The following MAML3 variants were observed in gnomAD, a reference collection of about 807,000 sequenced individuals.
The protein encoded by MAML3 is mastermind-like protein 3.
In MAML3, 27 loss-of-function variants were observed where a neutral mutation model predicts 101.9. The observed-to-expected ratio is 0.27, with a 90% CI of 0.20 to 0.37. The LOEUF (loss-of-function observed/expected upper bound fraction) is 0.37. MAML3 is among the 10% of genes least tolerant of loss of function. The pLI is 1.00. For synonymous variants in MAML3, 501 were observed against 555.9 expected (o/e 0.90, Z 1.39); for missense variants, 1,316 against 1,444.9 (o/e 0.91, Z 1.45).
intron 2 of MAML3, among the ~76,000 whole-genome samples, chr4:139,831,494 C>T (rs979446756): frequency 6.6e-6 from 1 of 152,164 alleles, no homozygotes; most frequent in African/African-American, 2.4e-5. Flanking sequence ...ATAAATACAA[C>T]ACTGTCTGTT....
intron 2 of MAML3, among the ~76,000 whole-genome samples, chr4:139,875,393 T>C (rs1427304536): frequency 6.6e-6 from 1 of 152,182 alleles, no homozygotes; most frequent in East Asian, 1.9e-4. Context: ...GGGAATTGTG[T>C]TTATTCACCA....
At chr4:139,930,929 A>G (rs1293555701) in intron 1 of MAML3, among the ~76,000 whole-genome samples, 2 of 152,078 alleles carry the variant, frequency 1.3e-5, no homozygotes, top group Admixed American at 6.5e-5. Flanking sequence ...TAGGCTCTGT[A>G]TATTGACAGA....
At chr4:139,754,747 T>C (rs567620666) in intron 2 of MAML3, among the ~76,000 whole-genome samples, 2 of 152,382 alleles carry the variant, frequency 1.3e-5, no homozygotes, top group Admixed American at 6.5e-5. Context: ...GATTATACTT[T>C]AGGTTCAATT....
At chr4:139,720,525 C>G (rs1579356496) in intron 4 of MAML3, among the ~76,000 whole-genome samples, 1 of 152,226 alleles carries the variant, frequency 6.6e-6, no homozygotes, top group African/African-American at 2.4e-5. Context: ...TTAAAAAATA[C>G]AGAGACAAAA....
chr4:139,941,618 A>T (rs1733598580), intron 1 of MAML3, among the ~76,000 whole-genome samples: 1 of 152,030 alleles, frequency 6.6e-6, no homozygotes. Context: ...GGACAGTAAG[A>T]ATGATAGTAA....
chr4:139,911,278 C>T (rs1199689403), intron 1 of MAML3, among the ~76,000 whole-genome samples: 10 of 151,068 alleles, frequency 6.6e-5, no homozygotes, highest in African/African-American at 2.4e-4. Flanking sequence ...AGTGCAGTGG[C>T]GTAATCTCAG....
At chr4:140,123,856 G>A (rs958699643) in intron 1 of MAML3, among the ~76,000 whole-genome samples, 1 of 152,150 alleles carries the variant, frequency 6.6e-6, no homozygotes. Context: ...AAAGGTGCAG[G>A]GAAAAACCCT....
intron 2 of MAML3, among the ~76,000 whole-genome samples, chr4:139,791,860 A>G (rs1228970837): frequency 1.3e-5 from 2 of 151,954 alleles, no homozygotes; most frequent in Non-Finnish European, 2.9e-5. Flanking sequence ...TTAGCAGCCA[A>G]CTCCCCAGCA....
chr4:139,832,094 C>CTTTTTTTTTTTTTTTTTTTT lies in MAML3; in HGVS notation c.2079+57243_2079+57262dup, dbSNP rs70943444. On this transcript the variant is annotated intron_variant, in intron 2 of 4. Transcript: ENST00000509479. ...AGGCGTGAGCCATCATGCCCAGCCC[C>CTTTTTTTTTTTTTTTTTTTT]TTTTTTTTTTTTTTTTTTTTTTTTT... is the stretch of plus-strand genomic sequence containing the variant. Among the ~76,000 whole-genome samples the CTTTTTTTTTTTTTTTTTTTT allele has an allele frequency of 6.2e-4, 40 of 64,702 alleles. 2 individuals are homozygous for CTTTTTTTTTTTTTTTTTTTT. Among genetic ancestry groups the CTTTTTTTTTTTTTTTTTTTT allele is most frequent in the Admixed American group, 1.6e-3 (6 of 3,694 alleles). The allele number at this position is 64,702 out of a possible 152,430, so 42.4% of individuals were successfully genotyped here. A position where few individuals can be genotyped will look rare whatever the true frequency, so the allele number is the denominator to read the frequency against.
In MAML3 at chr4:139,719,170, T is replaced by C; in HGVS notation, c.*153A>G. On this transcript the variant is annotated 3_prime_UTR_variant, in exon 5 of 5. Transcript: ENST00000509479. ...AAATGAGGCCTGGTGGGGCTGTGGATTGGCACCTGGATCTTCCATTGTCAG... is the reference window on the plus strand; with the variant it reads ...AAATGAGGCCTGGTGGGGCTGTGGACTGGCACCTGGATCTTCCATTGTCAG... 1.2e-6 allele frequency: 1 copy of C among 811,090 alleles called. No homozygotes were observed. The highest frequency in any genetic ancestry group is 1.9e-6 in the Non-Finnish European group (1 of 535,888). 50.2% of individuals were successfully genotyped at this position (811,090 alleles called of 1,614,324 possible).
chr4:139,831,283 A>G lies in MAML3; in HGVS notation c.2079+58074T>C, dbSNP rs573983631. On this transcript the variant is annotated intron_variant, in intron 2 of 4. Coordinates refer to ENST00000509479, the MANE Select transcript of MAML3 (RefSeq NM_018717.5). ...ATTAACATTAGACTGCTGTTTTTAA[A>G]CTTTTAATGATTTTTAAAAACCCAA... Among the ~76,000 whole-genome samples, 17 of 152,344 alleles carry G rather than the reference A, an allele frequency of 1.1e-4. No homozygotes were observed. In the South Asian group the frequency reaches 3.5e-3, roughly 32 times the overall value.
At chr4:139,758,641 C>T (rs762181137) in intron 2 of MAML3, among the ~76,000 whole-genome samples, 15 of 152,202 alleles carry the variant, frequency 9.9e-5, no homozygotes, top group South Asian at 6.2e-4. Flanking sequence ...ATGCTCGGTA[C>T]GTTATCAAAC....
intron 1 of MAML3, among the ~76,000 whole-genome samples, chr4:140,018,271 C>G (rs1281282258): frequency 1.3e-5 from 2 of 149,158 alleles, no homozygotes; most frequent in African/African-American, 4.8e-5. Context: ...ATAAAAAAAC[C>G]AAAACCCTTT....
intron 1 of MAML3, chr4:140,134,221 A>G: frequency 2.2e-6 from 1 of 456,744 alleles, no homozygotes; most frequent in Non-Finnish European, 4.4e-6. Flanking sequence ...AAGTACGGGG[A>G]AAGTAAAACC....
At chr4:139,937,396 T>G (rs1444487872) in intron 1 of MAML3, among the ~76,000 whole-genome samples, 1 of 152,028 alleles carries the variant, frequency 6.6e-6, no homozygotes, top group Admixed American at 6.6e-5. Flanking sequence ...AAAGGAGTTT[T>G]TTTTTTTTTT....
intron 1 of MAML3, among the ~76,000 whole-genome samples, chr4:140,104,375 TA>T (rs200934299): frequency 1.5e-4 from 17 of 111,238 alleles, no homozygotes; most frequent in East Asian, 4.6e-4. Context: ...TATATATATA[TA>T]ATATATATAT....
At chr4:139,818,546 C>T (rs1184769455) in intron 2 of MAML3, among the ~76,000 whole-genome samples, 2 of 152,138 alleles carry the variant, frequency 1.3e-5, no homozygotes, top group African/African-American at 4.8e-5. Context: ...AGAAGTCCAT[C>T]CTCCTAAGAG....
intron 1 of MAML3, among the ~76,000 whole-genome samples, chr4:140,145,551 T>TGTTTTG (rs1553981242): frequency 2.3e-5 from 3 of 131,110 alleles, no homozygotes; most frequent in Non-Finnish European, 4.9e-5. Context: ...TTTTGAGATT[T>TGTTTTG]TTTTGTTTTG....
intron 1 of MAML3, among the ~76,000 whole-genome samples, chr4:140,013,729 T>C (rs1726600791): frequency 6.6e-6 from 1 of 152,042 alleles, no homozygotes; most frequent in African/African-American, 2.4e-5. Context: ...TTCTGGAGCA[T>C]GAGCTCTGAC....
Sources: allele counts gnomAD v4.1 joint callset (sites outside exome capture counted in the v4.1 genomes callset), GRCh38; gene constraint gnomAD v4.1.1; transcripts MANE v1.5; gene names NCBI Gene and HGNC (gene_info 2026-07-23, HGNC 2026-07-21).